The following SCARA3 variants were observed in gnomAD, a reference collection of about 807,000 sequenced individuals.
SCARA3 encodes the protein cellular stress response gene protein.
A neutral mutation model predicts 47.0 loss-of-function variants in SCARA3; 39 were observed. The observed-to-expected ratio is 0.83, with a 90% CI of 0.64 to 1.08. SCARA3 has a LOEUF of 1.08. Ranked by LOEUF, SCARA3 falls within the 50% of genes least tolerant of loss-of-function variation. The pLI is 0.00. For synonymous variants in SCARA3, 356 were observed against 334.1 expected (o/e 1.07, Z -0.71); for missense variants, 724 against 792.3 (o/e 0.91, Z 1.04).
intron 1 of SCARA3, among the ~76,000 whole-genome samples, chr8:27,649,305 T>C (rs1419143140): frequency 1.3e-5 from 2 of 152,154 alleles, no homozygotes; most frequent in Non-Finnish European, 2.9e-5. Flanking sequence ...AGATTCAGCC[T>C]TGTCCCTGGA....
the SCARA3 span, among the ~76,000 whole-genome samples, chr8:27,707,480 CA>C: frequency 4.0e-5 from 6 of 149,096 alleles, no homozygotes; most frequent in African/African-American, 1.5e-4. Context: ...ATTAATAAGT[CA>C]AAAAAAAACA....
chr8:27,701,649 G>T, the SCARA3 span: 1 of 149,094 alleles, frequency 6.7e-6, no homozygotes, highest in African/African-American at 2.5e-5. Flanking sequence ...TGTCACCCAG[G>T]CTGGAGTGCA....
At chr8:27,660,491 G>GGATAGATA in intron 5 of SCARA3, among the ~76,000 whole-genome samples, 1 of 150,652 alleles carries the variant, frequency 6.6e-6, no homozygotes, top group South Asian at 2.1e-4. Flanking sequence ...TGATAGAAAT[G>GGATAGATA]GATAGATAGA....
chr8:27,657,586 G>T (rs1326602016), intron 4 of SCARA3, among the ~76,000 whole-genome samples: 1 of 143,632 alleles, frequency 7.0e-6, no homozygotes, highest in African/African-American at 2.6e-5. Context: ...TGTCACCCAG[G>T]CTGGAGTGCA....
chr8:27,663,107 A>G (rs1308108804), intron 5 of SCARA3, among the ~76,000 whole-genome samples: 3 of 152,234 alleles, frequency 2.0e-5, no homozygotes, highest in Admixed American at 1.3e-4. Flanking sequence ...GCCACAGCCC[A>G]TGGATCAGTA....
the SCARA3 span, among the ~76,000 whole-genome samples, chr8:27,728,166 T>C: frequency 6.6e-6 from 1 of 152,338 alleles, no homozygotes; most frequent in South Asian, 2.1e-4. Context: ...AGCAGAAAGC[T>C]GGGTTCCAGG....
At chr8:27,655,654 C>CAT (rs1360218112) in intron 3 of SCARA3, among the ~76,000 whole-genome samples, 1 of 152,146 alleles carries the variant, frequency 6.6e-6, no homozygotes, top group Non-Finnish European at 1.5e-5. Context: ...ACATAACCAT[C>CAT]ATATATAAGG....
downstream of SCARA3, among the ~76,000 whole-genome samples, chr8:27,674,249 G>A (rs1266062150): frequency 1.3e-5 from 2 of 152,226 alleles, no homozygotes; most frequent in Admixed American, 1.3e-4. Flanking sequence ...AGCAAATGCT[G>A]AGAATCCCTA....
rs1315838470 is a variant in SCARA3, at chr8:27,646,624, C to T, written c.8-3078C>T. Among the ~76,000 whole-genome samples the T allele has an allele frequency of 2.0e-5, 3 of 152,102 alleles. No individual in the cohort carries two copies. The South Asian group carries it at 6.2e-4, about 32-fold the overall frequency. ...GAAGGAATACCTCCCCACGGTAGCC[C>T]CGGGGCAGTGGTGAATACAGCCCAC... On this transcript the variant is annotated intron_variant, in intron 1 of 5. Transcript: ENST00000301904.
chr8:27,660,501 A>G (rs907397256), intron 5 of SCARA3, among the ~76,000 whole-genome samples: 3 of 151,486 alleles, frequency 2.0e-5, no homozygotes, highest in African/African-American at 4.9e-5. Context: ...GGATAGATAG[A>G]TAGATAGGAT....
At chr8:27,656,168 CAA>C (rs1262995387) in intron 3 of SCARA3, among the ~76,000 whole-genome samples, 2 of 152,188 alleles carry the variant, frequency 1.3e-5, no homozygotes, top group Admixed American at 6.5e-5. Context: ...TTCTCAGATA[CAA>C]AGAGACCATA....
At chr8:27,664,703 G>C (rs1801979362) in intron 5 of SCARA3, among the ~76,000 whole-genome samples, 1 of 149,426 alleles carries the variant, frequency 6.7e-6, no homozygotes. Flanking sequence ...ACTTGCTGCT[G>C]TCCTAGTCAT....
At chr8:27,644,030 G>A (rs1441844294) in intron 1 of SCARA3, among the ~76,000 whole-genome samples, 3 of 152,002 alleles carry the variant, frequency 2.0e-5, no homozygotes, top group South Asian at 2.1e-4. Flanking sequence ...GCCAAGGCAT[G>A]CACCCTCCAT....
At chr8:27,654,918 T>G (rs752341302) in intron 3 of SCARA3, among the ~76,000 whole-genome samples, 5 of 152,188 alleles carry the variant, frequency 3.3e-5, no homozygotes, top group Non-Finnish European at 5.9e-5. Flanking sequence ...GGAATCAAAG[T>G]CACTCAGTCT....
chr8:27,649,974 C>T (rs1352455411), intron 2 of SCARA3, among the ~76,000 whole-genome samples, 174 bp downstream of exon 2: 1 of 152,102 alleles, frequency 6.6e-6, no homozygotes, highest in Non-Finnish European at 1.5e-5. Flanking sequence ...GCGTGCAGTA[C>T]CAGTGAAGTC....
chr8:27,682,865 T>C, the SCARA3 span, among the ~76,000 whole-genome samples: 1 of 152,176 alleles, frequency 6.6e-6, no homozygotes, highest in African/African-American at 2.4e-5. Context: ...AAAAACAGTT[T>C]GGTCATTTCT....
At chr8:27,688,903 T>C in the SCARA3 span, among the ~76,000 whole-genome samples, 3 of 152,188 alleles carry the variant, frequency 2.0e-5, no homozygotes, top group Non-Finnish European at 4.4e-5. Context: ...GGCTTTATAA[T>C]TATTTTTCAA....
the SCARA3 span, among the ~76,000 whole-genome samples, chr8:27,700,698 TC>T: frequency 1.4e-4 from 21 of 152,196 alleles, no homozygotes; most frequent in African/African-American, 5.1e-4. Context: ...GAAAAAGTGT[TC>T]CAGCTTCATT....
At chr8:27,717,744 C>G in the SCARA3 span, among the ~76,000 whole-genome samples, 1 of 152,124 alleles carries the variant, frequency 6.6e-6, no homozygotes. Flanking sequence ...AAGATCGCAC[C>G]ACTGCACTCC....
Sources: gnomAD v4.1 joint callset for allele counts (sites outside exome capture counted in the v4.1 genomes callset) on GRCh38, gnomAD v4.1.1 for gene constraint, MANE v1.5 for transcripts, NCBI Gene and HGNC (gene_info 2026-07-23, HGNC 2026-07-21) for gene names.